The following ITPK1 variants were observed in gnomAD, a reference collection of about 807,000 sequenced individuals.
ITPK1 encodes the protein inositol-tetrakisphosphate 1-kinase, also known as inositol 1,3,4-trisphosphate 5/6-kinase.
In ITPK1, 21 loss-of-function variants were observed where a neutral mutation model predicts 45.3. That is an observed-to-expected ratio of 0.46 (90% CI 0.33 to 0.67). The LOEUF (loss-of-function observed/expected upper bound fraction) is 0.67, where lower values mean the gene tolerates loss of function less well. Ranked by LOEUF, ITPK1 falls within the 30% of genes least tolerant of loss-of-function variation. ITPK1 has a pLI of 0.02. For missense variants in ITPK1, 474 were observed against 573.5 expected (o/e 0.83, Z 1.77); for synonymous variants, 258 against 253.6 (o/e 1.02, Z -0.16).
chr14:93,022,506 A>G (rs1170342123), intron 3 of ITPK1, among the ~76,000 whole-genome samples: 1 of 150,888 alleles, frequency 6.6e-6, no homozygotes, highest in Non-Finnish European at 1.5e-5. Context: ...CAACATGGCA[A>G]GACCACATCT....
chr14:93,025,756 G>A (rs1457278828), intron 3 of ITPK1, among the ~76,000 whole-genome samples: 1 of 151,944 alleles, frequency 6.6e-6, no homozygotes, highest in African/African-American at 2.4e-5. Flanking sequence ...ATACCAATAA[G>A]ATCTAGGTCC....
rs1405995523 is a variant in ITPK1, at chr14:92,962,839, G to A, written c.375C>T (p.Ile125=). ...KIEAYMEDDR[I]CSPPFMELTS... ...TGAGCTCCATGAAGGGTGGCGAGCAGATCCTGTCGTCTAGGGCAGAAGGGA... is the reference window on the plus strand; with the variant it reads ...TGAGCTCCATGAAGGGTGGCGAGCAAATCCTGTCGTCTAGGGCAGAAGGGA... Residue 125 remains isoleucine (I), a synonymous_variant, in exon 6 of 11, where the codon ATC becomes ATT. Coordinates refer to ENST00000267615, the MANE Select transcript of ITPK1 (RefSeq NM_014216.6). The A allele has an allele frequency of 6.2e-7, 1 of 1,612,740 alleles. No individual in the cohort carries two copies. The highest frequency in any genetic ancestry group is 1.1e-5 in the South Asian group (1 of 91,078).
At chr14:92,953,926 C>T (rs755168755) in intron 8 of ITPK1, among the ~76,000 whole-genome samples, 12 of 152,320 alleles carry the variant, frequency 7.9e-5, no homozygotes, top group Non-Finnish European at 1.8e-4. Flanking sequence ...TGGAGTCTCA[C>T]TCTGTTGCCC....
intron 5 of ITPK1, among the ~76,000 whole-genome samples, chr14:92,983,702 A>T (rs1886336486): frequency 6.6e-6 from 1 of 152,310 alleles, no homozygotes; most frequent in South Asian, 2.1e-4. Flanking sequence ...TTTGAAGGGC[A>T]ATCCAGTGAG....
chr14:93,055,706 C>A (rs1243194805), intron 3 of ITPK1, among the ~76,000 whole-genome samples: 1 of 152,208 alleles, frequency 6.6e-6, no homozygotes, highest in Non-Finnish European at 1.5e-5. Flanking sequence ...GTCCAAGGAC[C>A]CATCCTTATC....
At chr14:93,112,605 A>G (rs1377966615) in intron 2 of ITPK1, among the ~76,000 whole-genome samples, 1 of 151,852 alleles carries the variant, frequency 6.6e-6, no homozygotes, top group African/African-American at 2.4e-5. Flanking sequence ...ATGCCCGGCT[A>G]ATTTTTGTAT....
At chr14:92,999,499 C>T (rs186353335) in intron 4 of ITPK1, among the ~76,000 whole-genome samples, 29 of 152,344 alleles carry the variant, frequency 1.9e-4, no homozygotes, top group Admixed American at 1.7e-3. Flanking sequence ...CTGCTCCACA[C>T]GCTGCTTAGG....
chr14:93,009,606 G>A (rs1418903341), intron 4 of ITPK1, among the ~76,000 whole-genome samples: 1 of 152,226 alleles, frequency 6.6e-6, no homozygotes, highest in Non-Finnish European at 1.5e-5. Context: ...AGATTGTGTG[G>A]CTGTCTCCAC....
At chr14:93,088,414 A>AT (rs1206679967) in intron 2 of ITPK1, among the ~76,000 whole-genome samples, 1 of 143,866 alleles carries the variant, frequency 7.0e-6, no homozygotes, top group African/African-American at 2.6e-5. Context: ...ATTTCGGCTC[A>AT]TTGCAGCCTT....
chr14:93,016,566 C>T lies in ITPK1; in HGVS notation c.246+110G>A. 1 of 1,264,610 alleles carries T rather than the reference C, an allele frequency of 7.9e-7. No homozygotes were observed. Among genetic ancestry groups the T allele is most frequent in the Non-Finnish European group, 1.1e-6 (1 of 900,124 alleles). 78.3% of individuals were successfully genotyped at this position (1,264,610 alleles called of 1,614,324 possible). A position where few individuals can be genotyped will look rare whatever the true frequency, so the allele number is the denominator to read the frequency against. ...CCAGTGGCAGAGCCATTTCTCCAGA[C>T]TATACCTCCAGAGAGCTGCTACCGC... is the stretch of plus-strand genomic sequence containing the variant. On this transcript the variant is annotated intron_variant, in intron 4 of 10. Coordinates refer to ENST00000267615, the MANE Select transcript of ITPK1 (RefSeq NM_014216.6). The surrounding 1 kb of genome is among the most constrained non-coding windows in gnomAD (Gnocchi z 5.0).
chr14:93,010,693 A>T (rs1029618096), intron 4 of ITPK1, among the ~76,000 whole-genome samples: 2 of 152,248 alleles, frequency 1.3e-5, no homozygotes, highest in Non-Finnish European at 2.9e-5. Flanking sequence ...GCCACAGATA[A>T]GGCTGACAGA....
At chr14:93,028,095 T>C (rs147719749) in intron 3 of ITPK1, among the ~76,000 whole-genome samples, 1 of 152,282 alleles carries the variant, frequency 6.6e-6, no homozygotes, top group Non-Finnish European at 1.5e-5. Flanking sequence ...CATGCCCTGG[T>C]TCCCTTGCAC....
intron 5 of ITPK1, among the ~76,000 whole-genome samples, chr14:92,967,663 T>C (rs1054348314): frequency 6.6e-6 from 1 of 152,126 alleles, no homozygotes; most frequent in African/African-American, 2.4e-5. Context: ...CAGAAGTCCA[T>C]CAACTGCAGA....
At chr14:93,026,623 A>C (rs966697461) in intron 3 of ITPK1, among the ~76,000 whole-genome samples, 1 of 152,230 alleles carries the variant, frequency 6.6e-6, no homozygotes, top group African/African-American at 2.4e-5. Context: ...CCAGGAGCTG[A>C]TCTCACAGGG....
At chr14:92,968,945 G>C (rs1252858946) in intron 5 of ITPK1, among the ~76,000 whole-genome samples, 4 of 152,270 alleles carry the variant, frequency 2.6e-5, no homozygotes, top group East Asian at 3.9e-4. Context: ...GCACATGCTG[G>C]GAAGGACCCC....
At chr14:93,081,720 G>GT (rs1158248183) in intron 2 of ITPK1, among the ~76,000 whole-genome samples, 1 of 152,232 alleles carries the variant, frequency 6.6e-6, no homozygotes, top group Non-Finnish European at 1.5e-5. Flanking sequence ...GAGGAGTAAG[G>GT]TGAGTCCTGC....
chr14:93,073,012 G>C (rs1296344127), intron 3 of ITPK1, among the ~76,000 whole-genome samples: 1 of 152,246 alleles, frequency 6.6e-6, no homozygotes, highest in East Asian at 1.9e-4. Flanking sequence ...TGACCACCAG[G>C]AGGGTTTTAT....
intron 5 of ITPK1, among the ~76,000 whole-genome samples, chr14:92,975,312 C>G (rs1377465651): frequency 2.6e-5 from 4 of 152,224 alleles, no homozygotes; most frequent in Non-Finnish European, 1.5e-5. Flanking sequence ...GGCAGTGCCC[C>G]TGACCCAGTA....
chr14:92,986,732 C>G (rs1354696301), intron 5 of ITPK1, among the ~76,000 whole-genome samples: 1 of 152,158 alleles, frequency 6.6e-6, no homozygotes, highest in Non-Finnish European at 1.5e-5. Context: ...CTGCCATGGT[C>G]TTAAAGGCTC....
Sources: gnomAD v4.1 joint callset for allele counts (sites outside exome capture counted in the v4.1 genomes callset) on GRCh38, gnomAD v4.1.1 for gene constraint, Gnocchi (gnomAD v3.1) non-coding constraint, MANE v1.5 for transcripts, NCBI Gene and HGNC (gene_info 2026-07-23, HGNC 2026-07-21) for gene names.